The following KCNIP1 variants were observed in gnomAD, a reference collection of about 807,000 sequenced individuals.
KCNIP1 encodes the protein A-type potassium channel modulatory protein KCNIP1.
Under a neutral mutation model 33.0 loss-of-function variants are expected in KCNIP1, and 18 were observed. The observed-to-expected ratio is 0.55, with a 90% confidence interval of 0.38 to 0.81. KCNIP1 has a LOEUF of 0.81. KCNIP1 is among the 30% of genes least tolerant of loss of function. The probability of loss-of-function intolerance (pLI) is 0.00; values close to 1 mark genes in which losing one functional copy is unlikely to be tolerated. For synonymous variants in KCNIP1, 93 were observed against 98.3 expected (o/e 0.95, Z 0.32); for missense variants, 238 against 271.6 (o/e 0.88, Z 0.87).
At chr5:170,615,650 C>G (rs764146002) in intron 1 of KCNIP1, among the ~76,000 whole-genome samples, 2 of 152,202 alleles carry the variant, frequency 1.3e-5, no homozygotes, top group Non-Finnish European at 2.9e-5. Context: ...GTACCCTCCA[C>G]TTGCCATGGT....
At chr5:170,702,151 C>G (rs1343072884) in intron 1 of KCNIP1, among the ~76,000 whole-genome samples, 1 of 152,212 alleles carries the variant, frequency 6.6e-6, no homozygotes, top group Non-Finnish European at 1.5e-5. Context: ...CCATCCCCAC[C>G]TTTATGTCTT....
intron 1 of KCNIP1, among the ~76,000 whole-genome samples, chr5:170,371,365 T>C (rs1763838835): frequency 6.6e-6 from 1 of 152,146 alleles, no homozygotes; most frequent in African/African-American, 2.4e-5. Context: ...AGGGAGTCAA[T>C]TGAGAGCCTG....
intron 1 of KCNIP1, chr5:170,383,657 C>T (rs1345539872): frequency 6.2e-7 from 1 of 1,607,416 alleles, no homozygotes; most frequent in Non-Finnish European, 8.5e-7. Context: ...AGGGATGTGT[C>T]CCCATCCCTC....
intron 1 of KCNIP1, among the ~76,000 whole-genome samples, chr5:170,405,302 C>T (rs1384392797): frequency 6.6e-6 from 1 of 152,042 alleles, no homozygotes; most frequent in East Asian, 1.9e-4. Flanking sequence ...TCAAGCGATT[C>T]TCCTACCTCA....
chr5:170,475,002 A>AATTGGTCCATTTTACAAAGTGCTG (rs1421566035), intron 1 of KCNIP1, among the ~76,000 whole-genome samples: 6 of 152,276 alleles, frequency 3.9e-5, no homozygotes, highest in African/African-American at 1.4e-4. Context: ...ACAGAGTGCC[A>AATTGGTCCATTTTACAAAGTGCTG]ATTGGTCCAT....
At chr5:170,728,033 A>G (rs189847158) in intron 5 of KCNIP1, among the ~76,000 whole-genome samples, 1 of 152,380 alleles carries the variant, frequency 6.6e-6, no homozygotes, top group East Asian at 1.9e-4. Flanking sequence ...GAGAAAGCCT[A>G]TTAAATAATT....
intron 1 of KCNIP1, among the ~76,000 whole-genome samples, chr5:170,605,734 C>G (rs572350897): frequency 6.7e-6 from 1 of 148,266 alleles, no homozygotes; most frequent in Non-Finnish European, 1.5e-5. Context: ...TAGGGTCTAT[C>G]TACGTTGTAG....
chr5:170,576,276 C>T (rs937727753), intron 1 of KCNIP1, among the ~76,000 whole-genome samples: 7 of 152,198 alleles, frequency 4.6e-5, no homozygotes, highest in South Asian at 2.1e-4. Flanking sequence ...GTATGGTAAC[C>T]TCAGGGCAGT....
At chr5:170,526,624 A>T (rs1755578771) in intron 1 of KCNIP1, among the ~76,000 whole-genome samples, 2 of 151,942 alleles carry the variant, frequency 1.3e-5, no homozygotes, top group African/African-American at 4.8e-5. Context: ...CTGAGGTGTC[A>T]TCAGCTGCTT....
intron 1 of KCNIP1, chr5:170,385,340 C>A (rs765682588): frequency 6.2e-7 from 1 of 1,614,066 alleles, no homozygotes; most frequent in South Asian, 1.1e-5. Flanking sequence ...GCAGCACAGT[C>A]GTGACCAGGA....
intron 1 of KCNIP1, among the ~76,000 whole-genome samples, chr5:170,637,128 T>G (rs545920512): frequency 6.6e-6 from 1 of 152,218 alleles, no homozygotes; most frequent in South Asian, 2.1e-4. Flanking sequence ...ACAGCATCGA[T>G]TCCAGGCGTA....
At chr5:170,423,526 G>T (rs1755543310) in intron 1 of KCNIP1, among the ~76,000 whole-genome samples, 1 of 152,070 alleles carries the variant, frequency 6.6e-6, no homozygotes, top group African/African-American at 2.4e-5. Context: ...GTCTTTAGAG[G>T]ATCTTCTTAG....
chr5:170,594,984 G>A (rs752117125), intron 1 of KCNIP1, among the ~76,000 whole-genome samples: 7 of 152,170 alleles, frequency 4.6e-5, no homozygotes, highest in East Asian at 3.9e-4. Flanking sequence ...CCACATGAGC[G>A]GCTAGGTGGG....
intron 1 of KCNIP1, among the ~76,000 whole-genome samples, chr5:170,379,823 G>A (rs1298237751): frequency 2.6e-5 from 4 of 151,960 alleles, no homozygotes; most frequent in Admixed American, 1.3e-4. Context: ...GCATGGTGGT[G>A]TACCTGTAGT....
chr5:170,589,891 GCAC>G (rs1758175488), intron 1 of KCNIP1, among the ~76,000 whole-genome samples: 1 of 152,166 alleles, frequency 6.6e-6, no homozygotes, highest in Non-Finnish European at 1.5e-5. Context: ...CCAGCCCAGA[GCAC>G]CAGACTCTGC....
chr5:170,560,747 T>C (rs983973962), intron 1 of KCNIP1, among the ~76,000 whole-genome samples: 2 of 152,126 alleles, frequency 1.3e-5, no homozygotes, highest in Admixed American at 6.5e-5. Flanking sequence ...TTGTGTCTCT[T>C]TCTGTCTCCT....
chr5:170,398,113 T>C (rs1754807049), intron 1 of KCNIP1, among the ~76,000 whole-genome samples: 1 of 152,200 alleles, frequency 6.6e-6, no homozygotes, highest in Non-Finnish European at 1.5e-5. Context: ...TGGTCAGCTT[T>C]TCCTGAAATC....
intron 1 of KCNIP1, among the ~76,000 whole-genome samples, chr5:170,398,639 C>A (rs1330902822): frequency 6.6e-6 from 1 of 152,164 alleles, no homozygotes; most frequent in African/African-American, 2.4e-5. Context: ...AAATAAGAAG[C>A]CCCTGTTTTA....
At chr5:170,497,157 T>G (rs1407412613) in intron 1 of KCNIP1, among the ~76,000 whole-genome samples, 1 of 152,188 alleles carries the variant, frequency 6.6e-6, no homozygotes, top group Admixed American at 6.5e-5. Context: ...CTTGATGCCC[T>G]CACAAAGTTG....
Sources: allele counts gnomAD v4.1 joint callset (sites outside exome capture counted in the v4.1 genomes callset), GRCh38; gene constraint gnomAD v4.1.1; transcripts MANE v1.5; gene names NCBI Gene and HGNC (gene_info 2026-07-23, HGNC 2026-07-21).